WDR7: variants seen among roughly 807,000 people sequenced by gnomAD.
The protein encoded by WDR7 is WD repeat-containing protein 7.
WDR7 carries 46 observed loss-of-function variants against 169.4 expected under a neutral mutation model. That is an observed-to-expected ratio of 0.27 (90% confidence interval 0.21 to 0.35). The LOEUF (loss-of-function observed/expected upper bound fraction) is 0.35, where lower values mean the gene tolerates loss of function less well. WDR7 is among the 10% of genes least tolerant of loss of function. WDR7 has a pLI of 1.00. For synonymous variants in WDR7, 612 were observed against 666.8 expected, an observed-to-expected ratio of 0.92 and a Z score of 1.27; for missense variants, 1,534 against 1,859.3, an observed-to-expected ratio of 0.83 and a Z score of 3.22.
chr18:56,825,119 T>C (rs1204141132), intron 20 of WDR7, among the ~76,000 whole-genome samples: 1 of 152,222 alleles, frequency 6.6e-6, no homozygotes, highest in Non-Finnish European at 1.5e-5. Flanking sequence ...TTTTCTTCCT[T>C]GCTCTGGTAA....
At chr18:56,665,333 G>A (rs189479877) in intron 1 of WDR7, among the ~76,000 whole-genome samples, 260 of 150,988 alleles carry the variant, frequency 1.7e-3, no homozygotes, top group African/African-American at 5.9e-3. Flanking sequence ...ACTTGGTGTA[G>A]GTGTATCTAG....
chr18:56,673,979 CATA>C (rs1199969759), intron 2 of WDR7, among the ~76,000 whole-genome samples: 1 of 152,082 alleles, frequency 6.6e-6, no homozygotes, highest in Non-Finnish European at 1.5e-5. Flanking sequence ...TATCATGTAG[CATA>C]ATGTTTTTAA....
chr18:56,769,246 G>A (rs1314800555), intron 16 of WDR7, among the ~76,000 whole-genome samples: 2 of 150,966 alleles, frequency 1.3e-5, no homozygotes, highest in South Asian at 4.2e-4. Flanking sequence ...TTGAGACGGA[G>A]TCTCACTCTC....
At chr18:56,765,446 C>A (rs117656774) in intron 16 of WDR7, among the ~76,000 whole-genome samples, 2,012 of 151,514 alleles carry the variant, frequency 0.013, 21 homozygotes, top group East Asian at 0.033. Context: ...TATGTCTTTC[C>A]GTTATCACAG....
intron 13 of WDR7, among the ~76,000 whole-genome samples, chr18:56,721,173 A>C (rs1458241218): frequency 6.6e-6 from 1 of 152,172 alleles, no homozygotes; most frequent in African/African-American, 2.4e-5. Flanking sequence ...TATTTTTCCA[A>C]ATGCAGCCAT....
intron 13 of WDR7, among the ~76,000 whole-genome samples, chr18:56,728,828 C>A (rs557444431): frequency 5.9e-4 from 90 of 152,268 alleles, no homozygotes; most frequent in African/African-American, 2.1e-3. Context: ...GGGGCTAAAC[C>A]CTGTGCCAAG....
intron 26 of WDR7, among the ~76,000 whole-genome samples, chr18:56,998,797 G>C (rs959926812): frequency 6.6e-6 from 1 of 152,086 alleles, no homozygotes; most frequent in Non-Finnish European, 1.5e-5. Flanking sequence ...GATTTAAGTG[G>C]CTATTTATAT....
intron 26 of WDR7, chr18:57,010,026 G>C: frequency 1.0e-6 from 1 of 985,480 alleles, no homozygotes; most frequent in Non-Finnish European, 1.2e-6. Context: ...GTGTGTACAT[G>C]TGTCTGCTGA....
intron 14 of WDR7, among the ~76,000 whole-genome samples, chr18:56,736,439 G>T (rs576441291): frequency 3.3e-5 from 5 of 151,640 alleles, no homozygotes; most frequent in South Asian, 2.1e-4. Flanking sequence ...CCACATCTTC[G>T]TATGATATTA....
At chr18:56,727,663 C>G (rs933605170) in intron 13 of WDR7, among the ~76,000 whole-genome samples, 7 of 152,180 alleles carry the variant, frequency 4.6e-5, no homozygotes, top group African/African-American at 1.7e-4. Flanking sequence ...ACGCTTGACA[C>G]ATGGGGATTA....
intron 26 of WDR7, among the ~76,000 whole-genome samples, chr18:56,997,035 A>G (rs2047908367): frequency 6.6e-6 from 1 of 152,234 alleles, no homozygotes; most frequent in African/African-American, 2.4e-5. Flanking sequence ...AAACAGTATC[A>G]TATGAATTTA....
chr18:56,654,023 C>G (rs940407495), intron 1 of WDR7, among the ~76,000 whole-genome samples: 14 of 152,180 alleles, frequency 9.2e-5, no homozygotes, highest in Admixed American at 5.9e-4. Context: ...CCCACAAATG[C>G]TTGGTTTTAT....
chr18:56,702,950 G>A (rs529270723), intron 12 of WDR7, among the ~76,000 whole-genome samples: 1 of 152,298 alleles, frequency 6.6e-6, no homozygotes, highest in East Asian at 1.9e-4. Flanking sequence ...TTTCGAAAAT[G>A]CCGAAAAATA....
At chr18:56,851,730 A>AC (rs137922336) in intron 20 of WDR7, among the ~76,000 whole-genome samples, 3,715 of 152,332 alleles carry the variant, frequency 0.024, 145 homozygotes, top group African/African-American at 0.083. Context: ...CACAGTTCAT[A>AC]TTAAGATTCT....
At chr18:57,031,813 A>C (rs1365565880), downstream of WDR7, 1 of 152,214 alleles carries the variant, frequency 6.6e-6, no homozygotes, top group East Asian at 1.9e-4. Flanking sequence ...TGTGAAATCC[A>C]TTGTATTGCA....
At chr18:56,724,916 T>G (rs1383255804) in intron 13 of WDR7, among the ~76,000 whole-genome samples, 1 of 152,148 alleles carries the variant, frequency 6.6e-6, no homozygotes, top group Non-Finnish European at 1.5e-5. Context: ...TGGTTTTTTG[T>G]CCTTGCGATA....
At chr18:56,993,063 C>G (rs2047840614) in intron 26 of WDR7, among the ~76,000 whole-genome samples, 1 of 152,084 alleles carries the variant, frequency 6.6e-6, no homozygotes, top group Non-Finnish European at 1.5e-5. Context: ...TGGTAATTGA[C>G]TATATATTAT....
intron 20 of WDR7, among the ~76,000 whole-genome samples, chr18:56,843,769 C>T (rs967355409): frequency 2.0e-5 from 3 of 151,940 alleles, no homozygotes; most frequent in African/African-American, 7.3e-5. Context: ...TCTACAGTGG[C>T]TGTACCATTT....
chr18:56,657,267 C>T (rs531516895), intron 1 of WDR7, among the ~76,000 whole-genome samples: 1 of 151,924 alleles, frequency 6.6e-6, no homozygotes, highest in Non-Finnish European at 1.5e-5. Flanking sequence ...AAGCGTTTCT[C>T]CTGCCTCAGC....
Sources: allele counts gnomAD v4.1 joint callset (sites outside exome capture counted in the v4.1 genomes callset), GRCh38; gene constraint gnomAD v4.1.1; transcripts MANE v1.5; gene names NCBI Gene and HGNC (gene_info 2026-07-23, HGNC 2026-07-21).